Variants in BTRC observed in about 807,000 individuals in gnomAD.
BTRC encodes beta-transducin repeat containing E3 ubiquitin protein ligase.
BTRC carries 42 observed loss-of-function variants against 85.5 expected under a neutral mutation model. The observed-to-expected ratio is 0.49, with a 90% CI of 0.38 to 0.64. The LOEUF is 0.64. Ranked by LOEUF, BTRC falls within the 30% of genes least tolerant of loss-of-function variation. The pLI is 0.00. For missense variants in BTRC, 594 were observed against 743.5 expected, an observed-to-expected ratio of 0.80 and a Z score of 2.34; for synonymous variants, 255 against 263.3, an observed-to-expected ratio of 0.97 and a Z score of 0.30.
At chr10:101,475,945 A>ATATATATATATATATG in intron 3 of BTRC, among the ~76,000 whole-genome samples, 1 of 139,558 alleles carries the variant, frequency 7.2e-6, no homozygotes, top group Non-Finnish European at 1.5e-5. Context: ...ATATATATAT[A>ATATATATATATATATG]TATATATATT....
chr10:101,361,053 G>A (rs1942191360), intron 1 of BTRC, among the ~76,000 whole-genome samples: 1 of 152,104 alleles, frequency 6.6e-6, no homozygotes, highest in Non-Finnish European at 1.5e-5. Flanking sequence ...TTATTCTCCT[G>A]CATCAGCCTT....
intron 4 of BTRC, among the ~76,000 whole-genome samples, chr10:101,486,795 C>T (rs563938532): frequency 6.6e-6 from 1 of 152,214 alleles, no homozygotes; most frequent in African/African-American, 2.4e-5. Context: ...AATATATATT[C>T]TTTATGACCA....
Position 101,550,934 on chromosome 10 carries a change from G to C in BTRC, c.*31+43G>C, listed in dbSNP as rs565246249. 31 of 1,492,258 alleles carry C rather than the reference G, an allele frequency of 2.1e-5. No homozygotes were observed. The Admixed American group carries it at 5.7e-4, about 27-fold the overall frequency. The allele number at this position is 1,492,258 out of a possible 1,614,324, so 92.4% of individuals were successfully genotyped here. A position where few individuals can be genotyped will look rare whatever the true frequency, so the allele number is the denominator to read the frequency against. On this transcript the variant is annotated intron_variant, in intron 14 of 14. Transcript: ENST00000370187. ...GTACATAACACTGTGGGTAGGAGAC[G>C]GGATATTAGCTGTAAGGTGTTGCTA...
At chr10:101,364,441 CAG>C (rs1198349269) in intron 1 of BTRC, among the ~76,000 whole-genome samples, 1 of 152,150 alleles carries the variant, frequency 6.6e-6, no homozygotes, top group African/African-American at 2.4e-5. Context: ...TGAACTGTAA[CAG>C]AGTTTACATC....
At position 101,456,362 on chromosome 10, in the gene BTRC, A is replaced by G. The variant is rs1049205476; in HGVS notation, c.157-5619A>G. Among the ~76,000 whole-genome samples, 3 of 152,264 alleles carry G rather than the reference A, an allele frequency of 2.0e-5. No homozygotes were observed. The East Asian group carries it at 5.8e-4, about 29-fold the overall frequency. ...ATGTATTAAAATAGATGATTCAAAG[A>G]AAAAGTTTATAGACTGAAAATTAGC... On this transcript the variant is annotated intron_variant, in intron 2 of 14. Coordinates refer to ENST00000370187, the MANE Select transcript of BTRC (RefSeq NM_033637.4).
At chr10:101,549,477 G>A (rs2134475506) in intron 13 of BTRC, among the ~76,000 whole-genome samples, 1 of 151,692 alleles carries the variant, frequency 6.6e-6, no homozygotes, top group East Asian at 1.9e-4. Flanking sequence ...CACTTTGGGA[G>A]GCCGAGGCGG....
At chr10:101,429,600 C>A (rs1368760236) in intron 1 of BTRC, among the ~76,000 whole-genome samples, 1 of 139,162 alleles carries the variant, frequency 7.2e-6, no homozygotes, top group Non-Finnish European at 1.5e-5. Flanking sequence ...TCTCCTTTTT[C>A]TCTGTCTCTC....
intron 2 of BTRC, among the ~76,000 whole-genome samples, chr10:101,452,979 A>G (rs188410326): frequency 6.6e-6 from 1 of 152,294 alleles, no homozygotes; most frequent in Admixed American, 6.5e-5. Flanking sequence ...AAAAGGATTA[A>G]TTAAAATTTG....
chr10:101,533,806 G>T (rs555416747), intron 9 of BTRC, among the ~76,000 whole-genome samples: 1 of 152,192 alleles, frequency 6.6e-6, no homozygotes, highest in East Asian at 1.9e-4. Flanking sequence ...TAGAAAAGAC[G>T]GTTCCTGTTT....
chr10:101,453,649 T>C (rs1945004785), intron 2 of BTRC: 1 of 152,224 alleles, frequency 6.6e-6, no homozygotes. Context: ...TTATCCATTT[T>C]ATCAGGAGTT....
At chr10:101,525,587 A>C (rs1216627991) in intron 5 of BTRC, among the ~76,000 whole-genome samples, 1 of 152,120 alleles carries the variant, frequency 6.6e-6, no homozygotes, top group Non-Finnish European at 1.5e-5. Context: ...ACAGCTTTGG[A>C]ACTACAGCAG....
chr10:101,531,364 C>A, intron 7 of BTRC, 31 bp downstream of exon 7: 1 of 1,470,856 alleles, frequency 6.8e-7, no homozygotes. Flanking sequence ...GGGTATTGCC[C>A]AAGGGCACAG....
At chr10:101,376,913 T>C (rs1942804274) in intron 1 of BTRC, among the ~76,000 whole-genome samples, 1 of 152,200 alleles carries the variant, frequency 6.6e-6, no homozygotes, top group Non-Finnish European at 1.5e-5. Flanking sequence ...ATGCCTGCTG[T>C]ATGCAAATTT....
chr10:101,478,616 C>T (rs1020740599), intron 3 of BTRC, among the ~76,000 whole-genome samples: 1 of 151,110 alleles, frequency 6.6e-6, no homozygotes, highest in African/African-American at 2.4e-5. Flanking sequence ...CATGGCAAAA[C>T]CCCATCTCTA....
chr10:101,511,062 C>T (rs1191292780), intron 4 of BTRC, among the ~76,000 whole-genome samples: 1 of 152,188 alleles, frequency 6.6e-6, no homozygotes, highest in African/African-American at 2.4e-5. Flanking sequence ...CAGACAATGC[C>T]ATATGTGACT....
At chr10:101,531,089 T>G in intron 6 of BTRC, 148 bp from the exon 7 acceptor site, 2 of 562,060 alleles carry the variant, frequency 3.6e-6, no homozygotes, top group South Asian at 2.5e-5. Context: ...GAGAATCACT[T>G]GAACCCAGGA....
At position 101,392,161 on chromosome 10, in the gene BTRC, A is replaced by T. The variant is rs1405656853; in HGVS notation, c.48+37933A>T. On this transcript the variant is annotated intron_variant, in intron 1 of 14. Transcript: ENST00000370187. ...CGCCCAGCTAATTTTTGTATTTTTG[A>T]TAGCGACTGGGTTTCACCATGTTGG... 4.6e-5 allele frequency among the ~76,000 whole-genome samples: 7 copies of T among 152,098 alleles called. No homozygotes were observed. In the East Asian group the frequency reaches 1.4e-3, roughly 30 times the overall value.
At chr10:101,547,766 G>A (rs1157493866) in intron 13 of BTRC, among the ~76,000 whole-genome samples, 2 of 152,046 alleles carry the variant, frequency 1.3e-5, no homozygotes, top group African/African-American at 2.4e-5. Flanking sequence ...CAAAATATTA[G>A]CAAATTAAAT....
chr10:101,520,256 G>T (rs1010468354), intron 4 of BTRC, among the ~76,000 whole-genome samples: 3 of 151,894 alleles, frequency 2.0e-5, no homozygotes, highest in Non-Finnish European at 4.4e-5. Flanking sequence ...CGATTCTCCT[G>T]CCTCAGCCTC....
Sources: allele counts gnomAD v4.1 joint callset (sites outside exome capture counted in the v4.1 genomes callset), GRCh38; gene constraint gnomAD v4.1.1; transcripts MANE v1.5; gene names NCBI Gene and HGNC (gene_info 2026-07-23, HGNC 2026-07-21).